The following GSDME variants were observed in gnomAD, a reference collection of about 807,000 sequenced individuals.
GSDME encodes gasdermin E, also known as gasdermin-E.
Under a neutral mutation model 47.5 loss-of-function variants are expected in GSDME, and 44 were observed. That is an observed-to-expected ratio of 0.93 (90% confidence interval 0.73 to 1.19). GSDME has a LOEUF of 1.19. GSDME is among the 50% of genes most tolerant of loss of function. The probability of loss-of-function intolerance (pLI) is 0.00; values close to 1 mark genes in which losing one functional copy is unlikely to be tolerated. For synonymous variants in GSDME, 258 were observed against 252.8 expected, an observed-to-expected ratio of 1.02 and a Z score of -0.20; for missense variants, 663 against 604.2, an observed-to-expected ratio of 1.10 and a Z score of -1.02.
chr7:24,733,320 A>T lies in GSDME; in HGVS notation c.404+11242T>A, dbSNP rs1465123864. Among the ~76,000 whole-genome samples the T allele has an allele frequency of 6.6e-6, 1 of 152,064 alleles. No homozygotes were observed. Among genetic ancestry groups the T allele is most frequent in the African/African-American group, 2.4e-5 (1 of 41,398 alleles). The stretch of plus-strand genomic sequence containing the variant: ...TTGGGTGAGACTCTGAGACATGCTG[A>T]CCCAGCTGTGGTCAGGTGTGACTCG... On this transcript the variant is annotated intron_variant, in intron 3 of 9. Coordinates refer to ENST00000645220, the MANE Select transcript of GSDME (RefSeq NM_001127453.2). The surrounding 1 kb of genome is among the most constrained non-coding windows in gnomAD (Gnocchi z 4.3).
chr7:24,707,761 C>G (rs1312512785), intron 7 of GSDME: 1 of 461,718 alleles, frequency 2.2e-6, no homozygotes, highest in Non-Finnish European at 3.9e-6. Flanking sequence ...GAGCCAGGAA[C>G]ACTAGGAGCC....
In GSDME at chr7:24,756,084, T is replaced by G. The variant is rs1377727182; in HGVS notation, c.-20+1312A>C. Among the ~76,000 whole-genome samples, 1 of 152,198 alleles carries G rather than the reference T, an allele frequency of 6.6e-6. No individual in the cohort carries two copies. The highest frequency in any genetic ancestry group is 1.5e-5 in the Non-Finnish European group (1 of 68,034). On this transcript the variant is annotated intron_variant, in intron 1 of 9. Transcript: ENST00000645220. This position sits in a 1 kb window ranked among gnomAD's most constrained non-coding sequence, Gnocchi z 4.2. ...AAATTAATATTTCATCATTTCTTTC[T>G]AAAATAAAAATCGGTATGTGAACGC...
intron 6 of GSDME, among the ~76,000 whole-genome samples, chr7:24,709,973 C>A (rs1324286595): frequency 6.6e-6 from 1 of 152,222 alleles, no homozygotes; most frequent in Non-Finnish European, 1.5e-5. Context: ...TCTTCAGTCT[C>A]CGACCCCTAC....
Position 24,732,713 on chromosome 7 carries a change from G to A in GSDME, c.404+11849C>T, listed in dbSNP as rs573758235. On this transcript the variant is annotated intron_variant, in intron 3 of 9. Coordinates refer to ENST00000645220, the MANE Select transcript of GSDME (RefSeq NM_001127453.2). This position sits in a 1 kb window ranked among gnomAD's most constrained non-coding sequence, Gnocchi z 4.8. ...AACTCAGCCAGCGCCCACTGAGGGA[G>A]CATGTAGACCAGCCCTAGCCAGAGG... Among the ~76,000 whole-genome samples, 7 of 152,360 alleles carry A rather than the reference G, an allele frequency of 4.6e-5. 1 individual carries two copies. The South Asian group carries it at 1.2e-3, about 27-fold the overall frequency.
chr7:24,775,602 C>T, the GSDME span, among the ~76,000 whole-genome samples: 1 of 152,176 alleles, frequency 6.6e-6, no homozygotes, highest in African/African-American at 2.4e-5. Context: ...CGCGGTGGCT[C>T]ACGCCTGTAA....
chr7:24,762,782 A>AT (rs562183251), upstream of GSDME, among the ~76,000 whole-genome samples: 204 of 151,306 alleles, frequency 1.3e-3, 1 homozygote, highest in African/African-American at 4.7e-3. Context: ...AATGGCTCAA[A>AT]TACAATAGTA....
chr7:24,727,032 A>G (rs1041677605), intron 3 of GSDME, among the ~76,000 whole-genome samples: 1 of 152,194 alleles, frequency 6.6e-6, no homozygotes, highest in East Asian at 1.9e-4. Flanking sequence ...TCCATCAGCT[A>G]TTACTGCCTG....
intron 3 of GSDME, among the ~76,000 whole-genome samples, chr7:24,734,336 C>T (rs1790235112): frequency 6.6e-6 from 1 of 152,156 alleles, no homozygotes; most frequent in Non-Finnish European, 1.5e-5. Context: ...TAAACAAGCC[C>T]AGATTGCAAA....
chr7:24,746,460 G>A (rs947385248), intron 2 of GSDME, among the ~76,000 whole-genome samples: 5 of 148,582 alleles, frequency 3.4e-5, no homozygotes, highest in Non-Finnish European at 7.5e-5. Context: ...TATATGGAAA[G>A]CATGTAAGGT....
chr7:24,782,317 T>C, the GSDME span, among the ~76,000 whole-genome samples: 2 of 150,162 alleles, frequency 1.3e-5, no homozygotes, highest in African/African-American at 4.9e-5. Flanking sequence ...ACATGCAGTG[T>C]TTGGTTTTTT....
At chr7:24,768,482 T>TC in the GSDME span, among the ~76,000 whole-genome samples, 1 of 152,138 alleles carries the variant, frequency 6.6e-6, no homozygotes, top group South Asian at 2.1e-4. This position sits in a 1 kb window ranked among gnomAD's most constrained non-coding sequence, Gnocchi z 5.6. Flanking sequence ...TACACCGTTT[T>TC]CCCCCTTCTT....
chr7:24,706,289 G>C lies in GSDME; in HGVS notation c.1078C>G (p.Leu360Val). The part of the protein sequence containing the change: ...PRQQQDLVAF[L>V]QLVGCSLQGG... ...TGTAAGCTGCACCCCACCAGCTGCA[G>C]GAAGGCCACAAGGTCCTGCTGCTGC... The change falls in exon 8 of 10, where the codon CTG (leucine) becomes GTG (valine). Residue 360 changes from leucine (L) to valine (V), a missense_variant. Coordinates refer to ENST00000645220, the MANE Select transcript of GSDME (RefSeq NM_001127453.2). The C allele has an allele frequency of 6.2e-7, 1 of 1,614,172 alleles. No individual in the cohort carries two copies.
At position 24,736,561 on chromosome 7, in the gene GSDME, G is replaced by A. The variant is rs953454132; in HGVS notation, c.404+8001C>T. Among the ~76,000 whole-genome samples, 3 of 152,154 alleles carry A rather than the reference G, an allele frequency of 2.0e-5. No homozygotes were observed. Among genetic ancestry groups the A allele is most frequent in the Non-Finnish European group, 2.9e-5 (2 of 68,002 alleles). ...AAAGCTAAAGAGATAGGCCCCCAGTGCAGTAATACCTGGAGACATCAACAC... is the reference window on the plus strand; with the variant it reads ...AAAGCTAAAGAGATAGGCCCCCAGTACAGTAATACCTGGAGACATCAACAC... On this transcript the variant is annotated intron_variant, in intron 3 of 9. Coordinates refer to ENST00000645220, the MANE Select transcript of GSDME (RefSeq NM_001127453.2). This position sits in a 1 kb window ranked among gnomAD's most constrained non-coding sequence, Gnocchi z 4.6.
At chr7:24,730,818 AAAAAAAAT>A (rs1388761761) in intron 3 of GSDME, among the ~76,000 whole-genome samples, 3 of 152,004 alleles carry the variant, frequency 2.0e-5, no homozygotes, top group Admixed American at 6.6e-5. Flanking sequence ...ACTCCGTCTC[AAAAAAAAT>A]AAAAAAATAA....
At chr7:24,699,335 G>A (rs903289817) in intron 9 of GSDME, 76 bp from the exon 10 acceptor site, 44 of 1,139,302 alleles carry the variant, frequency 3.9e-5, no homozygotes, top group Non-Finnish European at 5.6e-5. Flanking sequence ...TGCACTTGTA[G>A]GTAATTCTGG....
At chr7:24,749,481 G>A (rs556969465) in intron 2 of GSDME, 83 bp downstream of exon 2, 17 of 1,199,194 alleles carry the variant, frequency 1.4e-5, no homozygotes, top group African/African-American at 3.2e-5. Context: ...CAGCATGGGC[G>A]ACAGAGACTC....
chr7:24,719,001 C>A, intron 4 of GSDME, 46 bp downstream of exon 4: 2 of 1,608,300 alleles, frequency 1.2e-6, no homozygotes, highest in Non-Finnish European at 1.7e-6. Flanking sequence ...ACCAAGGTCT[C>A]CAGGACTGCT....
chr7:24,733,674 A>G lies in GSDME; in HGVS notation c.404+10888T>C, dbSNP rs1372280610. ...TTGTGGGCCTGTAGTGCTGGTGGAC[A>G]TGGGTGAGAGTCCTCTGCCTGGGGA... On this transcript the variant is annotated intron_variant, in intron 3 of 9. Coordinates refer to ENST00000645220, the MANE Select transcript of GSDME (RefSeq NM_001127453.2). The surrounding 1 kb of genome is among the most constrained non-coding windows in gnomAD (Gnocchi z 4.3). Among the ~76,000 whole-genome samples the G allele has an allele frequency of 1.3e-5, 2 of 152,144 alleles. No homozygotes were observed. The highest frequency in any genetic ancestry group is 2.9e-5 in the Non-Finnish European group (2 of 68,004).
the GSDME span, among the ~76,000 whole-genome samples, chr7:24,791,267 A>G: frequency 6.6e-6 from 1 of 152,178 alleles, no homozygotes; most frequent in Non-Finnish European, 1.5e-5. The surrounding 1 kb of genome is among the most constrained non-coding windows in gnomAD (Gnocchi z 4.8). Context: ...TTCTGTACCA[A>G]GTCAGCCACA....
Sources: gnomAD v4.1 joint callset for allele counts (sites outside exome capture counted in the v4.1 genomes callset) on GRCh38, gnomAD v4.1.1 for gene constraint, Gnocchi (gnomAD v3.1) non-coding constraint, MANE v1.5 for transcripts, NCBI Gene and HGNC (gene_info 2026-07-23, HGNC 2026-07-21) for gene names.